Variants in EPHA4 observed in about 807,000 individuals in gnomAD.
EPHA4 encodes the protein EPH receptor A4.
EPHA4 carries 19 observed loss-of-function variants against 108.3 expected under a neutral mutation model. The observed-to-expected ratio is 0.18, with a 90% CI of 0.12 to 0.26. EPHA4 has a LOEUF of 0.26. Among genes scored for constraint, EPHA4 ranks in the 10% least tolerant of loss-of-function variants. The pLI, the probability that EPHA4 is intolerant of heterozygous loss-of-function variation, is 1.00. For missense variants in EPHA4, 917 were observed against 1,254.0 expected, an observed-to-expected ratio of 0.73 and a Z score of 4.06; for synonymous variants, 449 against 455.5, an observed-to-expected ratio of 0.99 and a Z score of 0.18.
At chr2:221,529,671 A>G (rs1475710714) in intron 3 of EPHA4, among the ~76,000 whole-genome samples, 3 of 152,198 alleles carry the variant, frequency 2.0e-5, no homozygotes, top group African/African-American at 7.2e-5. Context: ...AATTTGAGAC[A>G]ACGCTGAAGG....
intron 3 of EPHA4, among the ~76,000 whole-genome samples, chr2:221,543,102 T>TA (rs1487715393): frequency 2.6e-5 from 4 of 152,202 alleles, no homozygotes; most frequent in Non-Finnish European, 5.9e-5. Context: ...GAAGCTTTTC[T>TA]AAAAAATGCA....
At chr2:221,444,506 A>G (rs575502987) in intron 9 of EPHA4, among the ~76,000 whole-genome samples, 5 of 152,270 alleles carry the variant, frequency 3.3e-5, no homozygotes, top group Non-Finnish European at 7.4e-5. Flanking sequence ...TCCCAGCACC[A>G]TTGGTTAGGA....
chr2:221,561,679 T>G (rs1296995176), intron 3 of EPHA4, among the ~76,000 whole-genome samples: 1 of 152,260 alleles, frequency 6.6e-6, no homozygotes, highest in Non-Finnish European at 1.5e-5. Context: ...TCGATTGCTT[T>G]TATATTCACT....
At chr2:221,458,662 C>T (rs1209546799) in intron 5 of EPHA4, among the ~76,000 whole-genome samples, 14 of 152,138 alleles carry the variant, frequency 9.2e-5, no homozygotes, top group Admixed American at 4.6e-4. Context: ...CTTTCCACTG[C>T]GAAGGACACA....
rs1190713740 is a variant in EPHA4, at chr2:221,571,648, G to T, written c.91+510C>A. Among the ~76,000 whole-genome samples, 1 of 152,144 alleles carries T rather than the reference G, an allele frequency of 6.6e-6. No homozygotes were observed. The highest frequency in any genetic ancestry group is 1.9e-4 in the East Asian group (1 of 5,156). On this transcript the variant is annotated intron_variant, in intron 1 of 17. Coordinates refer to ENST00000281821, the MANE Select transcript of EPHA4 (RefSeq NM_004438.5). This position sits in a 1 kb window ranked among gnomAD's most constrained non-coding sequence, Gnocchi z 6.3. ...GCGCCTGACGAGCGGCGCCACGACC[G>T]CTGCGCTGCGGAGCAGGCCCCGCAG...
chr2:221,471,392 G>A (rs1166131652), intron 5 of EPHA4, among the ~76,000 whole-genome samples: 1 of 152,106 alleles, frequency 6.6e-6, no homozygotes, highest in Non-Finnish European at 1.5e-5. Flanking sequence ...CTAAATACTG[G>A]AGGAGTTTAT....
chr2:221,540,776 T>C (rs1300023464), intron 3 of EPHA4, among the ~76,000 whole-genome samples: 1 of 152,140 alleles, frequency 6.6e-6, no homozygotes, highest in Non-Finnish European at 1.5e-5. Context: ...ACATAGACCT[T>C]ACTGTTTATC....
At chr2:221,441,416 C>G (rs1690425399) in intron 11 of EPHA4, among the ~76,000 whole-genome samples, 1 of 151,902 alleles carries the variant, frequency 6.6e-6, no homozygotes, top group Non-Finnish European at 1.5e-5. Flanking sequence ...TAGTCAAACT[C>G]CAGGGGAAGA....
intron 9 of EPHA4, 120 bp downstream of exon 9, chr2:221,446,003 G>A: frequency 2.2e-6 from 1 of 459,524 alleles, no homozygotes; most frequent in Non-Finnish European, 3.5e-6. Flanking sequence ...ATTGGGATAA[G>A]GAATAAATAT....
intron 15 of EPHA4, among the ~76,000 whole-genome samples, chr2:221,428,758 T>C (rs1454213870): frequency 1.3e-5 from 2 of 152,196 alleles, no homozygotes; most frequent in Non-Finnish European, 2.9e-5. Flanking sequence ...GTGGCAGAGG[T>C]GAAATGTTAA....
chr2:221,429,114 G>A (rs1054223055), intron 15 of EPHA4, among the ~76,000 whole-genome samples: 1 of 152,078 alleles, frequency 6.6e-6, no homozygotes, highest in African/African-American at 2.4e-5. Context: ...CTCACCTCTC[G>A]CAGGCCTGAG....
intron 3 of EPHA4, among the ~76,000 whole-genome samples, chr2:221,539,651 G>C (rs1693774663): frequency 6.6e-6 from 1 of 152,126 alleles, no homozygotes; most frequent in African/African-American, 2.4e-5. Context: ...ACCGACGTTA[G>C]AGCTTTGACA....
chr2:221,565,736 A>C (rs958473279), intron 2 of EPHA4, among the ~76,000 whole-genome samples: 1 of 152,202 alleles, frequency 6.6e-6, no homozygotes. Context: ...GTGGTGATGA[A>C]AATTTCTTTT....
chr2:221,430,468 C>T (rs1239590503), intron 14 of EPHA4, among the ~76,000 whole-genome samples: 4 of 152,128 alleles, frequency 2.6e-5, no homozygotes, highest in Admixed American at 2.6e-4. Flanking sequence ...TGCCCCCTGC[C>T]CCCTGCCTCC....
At chr2:221,499,174 A>T (rs1027425770) in intron 4 of EPHA4, among the ~76,000 whole-genome samples, 2 of 150,552 alleles carry the variant, frequency 1.3e-5, no homozygotes, top group Non-Finnish European at 3.0e-5. Context: ...CCAGCAAGAG[A>T]ATCTCCCAGA....
chr2:221,426,627 G>A lies in EPHA4; in HGVS notation c.2691-8C>T. On this transcript the variant is annotated splice_polypyrimidine_tract_variant and splice_region_variant and intron_variant, in intron 15 of 17. Coordinates refer to ENST00000281821, the MANE Select transcript of EPHA4 (RefSeq NM_004438.5). ...AACAAGGCAGTGTTAGGTCTAGAAA[G>A]AGAACAAGAAAATATAAGCAGAACG... The A allele has an allele frequency of 1.2e-6, 2 of 1,609,446 alleles. 1 individual carries two copies.
At chr2:221,433,924 A>G (rs76182263) in intron 14 of EPHA4, among the ~76,000 whole-genome samples, 2,237 of 152,308 alleles carry the variant, frequency 0.015, 50 homozygotes, top group African/African-American at 0.051. Context: ...GTGCGTATGT[A>G]TCTATCTCCC....
chr2:221,566,667 C>T (rs1694637132), intron 2 of EPHA4, among the ~76,000 whole-genome samples: 1 of 151,376 alleles, frequency 6.6e-6, no homozygotes, highest in South Asian at 2.1e-4. Context: ...ATTAAAAGTA[C>T]TGGGTCGTAT....
chr2:221,518,671 CT>C (rs1559276412), intron 3 of EPHA4, among the ~76,000 whole-genome samples: 1 of 152,336 alleles, frequency 6.6e-6, no homozygotes, highest in East Asian at 1.9e-4. Flanking sequence ...ATTTACTTTT[CT>C]TTTTCTGTTC....
Sources: allele counts gnomAD v4.1 joint callset (sites outside exome capture counted in the v4.1 genomes callset), GRCh38; gene constraint gnomAD v4.1.1; non-coding constraint Gnocchi (gnomAD v3.1); transcripts MANE v1.5; gene names NCBI Gene and HGNC (gene_info 2026-07-23, HGNC 2026-07-21).